Variants in CTNND2 observed in about 807,000 individuals in gnomAD.
The protein encoded by CTNND2 is catenin delta-2.
CTNND2 carries 22 observed loss-of-function variants against 144.4 expected under a neutral mutation model. That is an observed-to-expected ratio of 0.15 (90% confidence interval 0.11 to 0.22). The LOEUF (loss-of-function observed/expected upper bound fraction) is 0.22, where lower values mean the gene tolerates loss of function less well. Among genes scored for constraint, CTNND2 ranks in the 10% least tolerant of loss-of-function variants. The probability of loss-of-function intolerance (pLI) is 1.00; values close to 1 mark genes in which losing one functional copy is unlikely to be tolerated. For synonymous variants in CTNND2, 751 were observed against 695.6 expected, an observed-to-expected ratio of 1.08 and a Z score of -1.25; for missense variants, 1,353 against 1,618.8, an observed-to-expected ratio of 0.84 and a Z score of 2.82.
At chr5:11,372,416 T>C (rs1757546467) in intron 7 of CTNND2, among the ~76,000 whole-genome samples, 1 of 151,988 alleles carries the variant, frequency 6.6e-6, no homozygotes, top group Non-Finnish European at 1.5e-5. Context: ...GTATAATGAG[T>C]AATGTGGGGT....
intron 2 of CTNND2, among the ~76,000 whole-genome samples, chr5:11,581,187 C>T (rs920995965): frequency 3.3e-5 from 5 of 152,184 alleles, no homozygotes; most frequent in South Asian, 2.1e-4. Context: ...GACTTACCTA[C>T]GCTACAGACT....
intron 9 of CTNND2, among the ~76,000 whole-genome samples, chr5:11,244,138 T>G (rs1256277639): frequency 6.6e-6 from 1 of 152,110 alleles, no homozygotes; most frequent in African/African-American, 2.4e-5. Context: ...GTTAGATAGA[T>G]TTTTTTAAAG....
chr5:11,642,126 T>C (rs552601249), intron 2 of CTNND2, among the ~76,000 whole-genome samples: 61 of 152,226 alleles, frequency 4.0e-4, no homozygotes, highest in African/African-American at 1.4e-3. Context: ...AACAATTTTG[T>C]GCCCCAATTT....
intron 9 of CTNND2, among the ~76,000 whole-genome samples, chr5:11,308,046 A>G (rs1750437634): frequency 6.6e-6 from 1 of 152,192 alleles, no homozygotes; most frequent in Non-Finnish European, 1.5e-5. Context: ...TCACCACACA[A>G]CGAACGTGCT....
At chr5:11,135,997 G>C (rs1202922516) in intron 12 of CTNND2, among the ~76,000 whole-genome samples, 1 of 152,186 alleles carries the variant, frequency 6.6e-6, no homozygotes, top group African/African-American at 2.4e-5. Flanking sequence ...TAACCCCCAA[G>C]GTGATGGTAT....
chr5:11,155,629 C>G (rs559472412), intron 12 of CTNND2, among the ~76,000 whole-genome samples: 1 of 152,006 alleles, frequency 6.6e-6, no homozygotes, highest in South Asian at 2.1e-4. Context: ...CTCTAACCCC[C>G]GCAACCCCAC....
intron 3 of CTNND2, among the ~76,000 whole-genome samples, chr5:11,559,001 C>T (rs1247226199): frequency 6.6e-6 from 1 of 152,094 alleles, no homozygotes; most frequent in Non-Finnish European, 1.5e-5. Context: ...CATCATTGTG[C>T]AAAACCATTG....
chr5:11,434,213 A>G (rs1763555797), intron 3 of CTNND2, among the ~76,000 whole-genome samples: 1 of 152,230 alleles, frequency 6.6e-6, no homozygotes, highest in Non-Finnish European at 1.5e-5. Flanking sequence ...GTGAAAGAAG[A>G]CTTATACAAA....
intron 16 of CTNND2, among the ~76,000 whole-genome samples, chr5:11,030,661 CTTCCT>C (rs1743345973): frequency 6.7e-6 from 1 of 149,762 alleles, no homozygotes; most frequent in Non-Finnish European, 1.5e-5. Flanking sequence ...CTCTTCATAT[CTTCCT>C]TTAATTCTTT....
intron 12 of CTNND2, among the ~76,000 whole-genome samples, chr5:11,142,541 T>C (rs1252757303): frequency 6.6e-5 from 10 of 151,888 alleles, no homozygotes; most frequent in East Asian, 1.9e-4. Context: ...TTATAAGAAA[T>C]AGAAGTATTT....
intron 10 of CTNND2, among the ~76,000 whole-genome samples, chr5:11,213,363 C>G (rs1383144338): frequency 6.6e-6 from 1 of 152,136 alleles, no homozygotes; most frequent in Admixed American, 6.5e-5. Flanking sequence ...CTATGACCCG[C>G]TCTTTCGAGA....
chr5:11,479,311 C>G (rs1768029553), intron 3 of CTNND2, among the ~76,000 whole-genome samples: 1 of 152,180 alleles, frequency 6.6e-6, no homozygotes, highest in South Asian at 2.1e-4. Context: ...CATCCATGTT[C>G]TGGCACAGGA....
chr5:11,580,112 A>C (rs1233688063), intron 2 of CTNND2, among the ~76,000 whole-genome samples: 1 of 147,288 alleles, frequency 6.8e-6, no homozygotes, highest in Admixed American at 6.7e-5. Flanking sequence ...GTTTTAATAA[A>C]CTTAGGCCAT....
At chr5:11,889,899 T>A (rs897529448) in intron 1 of CTNND2, among the ~76,000 whole-genome samples, 2 of 152,202 alleles carry the variant, frequency 1.3e-5, no homozygotes, top group Non-Finnish European at 2.9e-5. Flanking sequence ...AAAATTAGCA[T>A]CTGAATATTT....
At chr5:11,893,350 C>A (rs1375815220) in intron 1 of CTNND2, among the ~76,000 whole-genome samples, 2 of 152,140 alleles carry the variant, frequency 1.3e-5, no homozygotes, top group Admixed American at 1.3e-4. Context: ...CTAAACCATT[C>A]AGAGGGGGAC....
At chr5:11,184,716 A>C (rs551947165) in intron 11 of CTNND2, among the ~76,000 whole-genome samples, 1 of 152,182 alleles carries the variant, frequency 6.6e-6, no homozygotes, top group Non-Finnish European at 1.5e-5. Flanking sequence ...TGTCTCATCA[A>C]CGAGGACACA....
intron 1 of CTNND2, among the ~76,000 whole-genome samples, chr5:11,773,302 T>C (rs1053008797): frequency 5.9e-5 from 9 of 152,344 alleles, no homozygotes; most frequent in African/African-American, 2.2e-4. Context: ...GTATTACTAT[T>C]AGGACTAATT....
chr5:11,023,422 A>C (rs1025490693), intron 16 of CTNND2, among the ~76,000 whole-genome samples: 2 of 152,234 alleles, frequency 1.3e-5, no homozygotes, highest in Admixed American at 1.3e-4. Flanking sequence ...TGGGAATTCT[A>C]ACATAACCCT....
chr5:11,505,471 A>G (rs1028894719), intron 3 of CTNND2, among the ~76,000 whole-genome samples: 1 of 152,216 alleles, frequency 6.6e-6, no homozygotes, highest in Non-Finnish European at 1.5e-5. Context: ...CACATTTATA[A>G]TTTTGTCTGA....
Sources: gnomAD v4.1 joint callset for allele counts (sites outside exome capture counted in the v4.1 genomes callset) on GRCh38, gnomAD v4.1.1 for gene constraint, MANE v1.5 for transcripts, NCBI Gene and HGNC (gene_info 2026-07-23, HGNC 2026-07-21) for gene names.